Variants in TBC1D8B observed in about 807,000 individuals in gnomAD.
TBC1D8B encodes the protein TBC1 domain family member 8B, also known as RP11-321G1.1.
In TBC1D8B, 75 loss-of-function variants were observed where a neutral mutation model predicts 82.9. The ratio of observed to expected loss-of-function variants is 0.90; its 90% confidence interval spans 0.75 to 1.10. The LOEUF (loss-of-function observed/expected upper bound fraction) is 1.10, where lower values mean the gene tolerates loss of function less well. TBC1D8B is among the 50% of genes least tolerant of loss of function. TBC1D8B has a pLI of 0.00. For synonymous variants in TBC1D8B, 276 were observed against 276.8 expected (o/e 1.00, Z 0.03); for missense variants, 794 against 796.9 (o/e 1.00, Z 0.04).
chrX:106,870,362 A>G (rs1477461642), intron 19 of TBC1D8B, among the ~76,000 whole-genome samples: 5 of 112,367 alleles, frequency 4.4e-5, no homozygotes, highest in Admixed American at 1.9e-4. Flanking sequence ...TATTAAGAAC[A>G]TAATATAGAA....
intron 7 of TBC1D8B, among the ~76,000 whole-genome samples, chrX:106,833,953 CA>C (rs1457870975): frequency 9.6e-6 from 1 of 104,248 alleles, no homozygotes; most frequent in Non-Finnish European, 1.9e-5. Flanking sequence ...TGTGATTTGT[CA>C]AAATAAGCAT....
chrX:106,830,031 T>A (rs1349262738), intron 7 of TBC1D8B: 1 of 111,619 alleles, frequency 9.0e-6, no homozygotes, highest in Non-Finnish European at 1.9e-5. Flanking sequence ...GAGAAATTTT[T>A]CTCAACCTAC....
rs759239094 is a variant in TBC1D8B, at chrX:106,826,228, A to C, written c.1026A>C (p.Pro342=). The C allele has an allele frequency of 8.3e-7, 1 of 1,206,330 alleles. No homozygotes were observed. Among genetic ancestry groups the C allele is most frequent in the South Asian group, 1.8e-5 (1 of 55,685 alleles). The change falls in exon 6 of 21, where the codon CCA becomes CCC. Residue 342 remains proline (P), a synonymous_variant. Coordinates refer to ENST00000357242, the MANE Select transcript of TBC1D8B (RefSeq NM_017752.3). The part of the protein sequence containing the change: ...QDGNQCSVII[P]LREVLAIDKT... ...GCAATCAGTGTAGTGTAATCATTCC[A>C]CTACGAGAGGTAATGTAAATTTGGT...
At chrX:106,819,913 A>G (rs1046749051) in intron 2 of TBC1D8B, among the ~76,000 whole-genome samples, 5 of 111,054 alleles carry the variant, frequency 4.5e-5, no homozygotes, top group Non-Finnish European at 1.9e-5. Context: ...TTATACCAAA[A>G]GAATCAAACT....
In TBC1D8B at chrX:106,873,940, A is replaced by C; in HGVS notation, c.3338A>C (p.Gln1113Pro). Residue 1113 changes from glutamine (Q) to proline (P), a missense_variant, in exon 21 of 21, where the codon CAG (glutamine) becomes CCG (proline). Gln to Pro is a moderately conservative substitution (Grantham distance 76). Coordinates refer to ENST00000357242, the MANE Select transcript of TBC1D8B (RefSeq NM_017752.3). ...KAKLENARIS[Q>P]LRSRTKM ...AAGCTGGAAAATGCAAGAATTTCTCAGTTAAGGTCTAGAACCAAGATGTAA... is the reference window on the plus strand; with the variant it reads ...AAGCTGGAAAATGCAAGAATTTCTCCGTTAAGGTCTAGAACCAAGATGTAA... 2 of 1,198,953 alleles carry C rather than the reference A, an allele frequency of 1.7e-6. No homozygotes were observed. Among genetic ancestry groups the C allele is most frequent in the Non-Finnish European group, 2.2e-6 (2 of 890,224 alleles).
intron 10 of TBC1D8B, among the ~76,000 whole-genome samples, chrX:106,844,012 ATTGT>A (rs1932376271): frequency 9.1e-6 from 1 of 110,391 alleles, no homozygotes; most frequent in Non-Finnish European, 1.9e-5. Context: ...TCATGTTTTG[ATTGT>A]TTGTTGCCAG....
At position 106,818,645 on chromosome X, in the gene TBC1D8B, A is replaced by G. The variant is rs1466504646; in HGVS notation, c.131-18A>G. The G allele has an allele frequency of 2.6e-6, 3 of 1,134,297 alleles. No individual in the cohort carries two copies. The African/African-American group carries it at 5.5e-5, about 21-fold the overall frequency. 93.5% of individuals were successfully genotyped at this position (1,134,297 alleles called of 1,213,427 possible). A position where few individuals can be genotyped will look rare whatever the true frequency, so the allele number is the denominator to read the frequency against. On this transcript the variant is annotated intron_variant, in intron 1 of 20. Coordinates refer to ENST00000357242, the MANE Select transcript of TBC1D8B (RefSeq NM_017752.3). ...CTCTTGTAAAGTCCTTATTTCAACA[A>G]TCTTTCTATTACAACAGGGCTTCTG...
chrX:106,866,850 C>T lies in TBC1D8B; in HGVS notation c.2716C>T (p.His906Tyr). The T allele has an allele frequency of 8.5e-7, 1 of 1,178,600 alleles. No individual in the cohort carries two copies. ...GAAGCTTAAGCTGCTTTTTAAGCTA[C>T]ATATTCCTCCAGGTAAGAGTTTACC... ...TEKLKLLFKL[H>Y]IPPAYTEVKS... Residue 906 changes from histidine (H) to tyrosine (Y), a missense_variant, in exon 17 of 21, where the codon CAT becomes TAT. His to Tyr is a moderately conservative substitution (Grantham distance 83). Coordinates refer to ENST00000357242, the MANE Select transcript of TBC1D8B (RefSeq NM_017752.3).
At position 106,802,957 on chromosome X, in the gene TBC1D8B, G is replaced by C. The variant is rs1389211340; in HGVS notation, c.104G>C (p.Gly35Ala). 11 of 1,208,015 alleles carry C rather than the reference G, an allele frequency of 9.1e-6. No individual in the cohort carries two copies. The highest frequency in any genetic ancestry group is 1.1e-5 in the Non-Finnish European group (10 of 894,447). Residue 35 changes from glycine (G) to alanine (A), a missense_variant, in exon 1 of 21, where the codon GGG becomes GCG. Physicochemically the swap from Gly to Ala is moderately conservative, Grantham distance 60 (BLOSUM62 0). Coordinates refer to ENST00000357242, the MANE Select transcript of TBC1D8B (RefSeq NM_017752.3). ...YFVLQRRRGY[G>A]EEGGGGLTGL... ...GTGCTGCAGCGGCGTCGGGGCTACG[G>C]GGAGGAAGGCGGAGGGGGGCTCACA...
At chrX:106,815,024 T>C (rs1431488340) in intron 1 of TBC1D8B, 1 of 111,567 alleles carries the variant, frequency 9.0e-6, no homozygotes, top group Admixed American at 9.5e-5. Flanking sequence ...GTAGTTTCTT[T>C]TGCTGTGCAG....
At chrX:106,829,928 G>A (rs1412911632) in intron 7 of TBC1D8B, 1 of 111,059 alleles carries the variant, frequency 9.0e-6, no homozygotes, top group Non-Finnish European at 1.9e-5. Context: ...GGCAACAAAA[G>A]CCAAAATTGA....
chrX:106,846,762 T>C (rs1351943313), intron 10 of TBC1D8B, among the ~76,000 whole-genome samples: 2 of 111,637 alleles, frequency 1.8e-5, no homozygotes, highest in South Asian at 3.7e-4. Context: ...ATAGTTAATA[T>C]ACAAATCTAT....
intron 10 of TBC1D8B, among the ~76,000 whole-genome samples, chrX:106,844,085 A>G (rs948086466): frequency 1.6e-4 from 18 of 111,385 alleles, no homozygotes; most frequent in Non-Finnish European, 3.2e-4. Context: ...AAGCTTATTT[A>G]TTAGTTCTAG....
intron 7 of TBC1D8B, among the ~76,000 whole-genome samples, chrX:106,837,580 A>G (rs1424131470): frequency 9.0e-6 from 1 of 111,438 alleles, no homozygotes; most frequent in East Asian, 2.8e-4. Context: ...ACTCTCATGT[A>G]TTGCTGTTGG....
At chrX:106,853,779 A>G (rs1010985697) in intron 13 of TBC1D8B, 129 bp downstream of exon 13, 45 of 694,076 alleles carry the variant, frequency 6.5e-5, no homozygotes, top group Non-Finnish European at 4.2e-5. Context: ...ATCCAACTTA[A>G]CTTTTAAAAT....
chrX:106,830,045 T>A (rs1462902674), intron 7 of TBC1D8B: 1 of 111,739 alleles, frequency 8.9e-6, no homozygotes, highest in Admixed American at 9.5e-5. Flanking sequence ...AACCTACTTA[T>A]CTGACAAAGG....
intron 1 of TBC1D8B, among the ~76,000 whole-genome samples, chrX:106,804,116 G>GA (rs1477134568): frequency 9.0e-6 from 1 of 111,721 alleles, no homozygotes; most frequent in Non-Finnish European, 1.9e-5. Context: ...AGGTCTAAAG[G>GA]AAAAAGAAAA....
intron 7 of TBC1D8B, among the ~76,000 whole-genome samples, chrX:106,831,947 T>C (rs1932058761): frequency 9.0e-6 from 1 of 111,486 alleles, no homozygotes; most frequent in Non-Finnish European, 1.9e-5. Flanking sequence ...GTTTTAATAA[T>C]AGTACACGTA....
At chrX:106,821,383 T>C (rs745317773) in intron 3 of TBC1D8B, among the ~76,000 whole-genome samples, 7 of 110,940 alleles carry the variant, frequency 6.3e-5, no homozygotes, top group Admixed American at 9.7e-5. Context: ...TTGAGTTGAA[T>C]AAACCATTTG....
Sources: gnomAD v4.1 joint callset for allele counts (sites outside exome capture counted in the v4.1 genomes callset) on GRCh38, gnomAD v4.1.1 for gene constraint, MANE v1.5 for transcripts, NCBI Gene and HGNC (gene_info 2026-07-23, HGNC 2026-07-21) for gene names.